TENM1: variants seen among roughly 807,000 people sequenced by gnomAD.
TENM1 encodes teneurin transmembrane protein 1.
Under a neutral mutation model 174.8 loss-of-function variants are expected in TENM1, and 35 were observed. The observed-to-expected ratio is 0.20, with a 90% CI of 0.15 to 0.27. The LOEUF is 0.27. TENM1 is among the 10% of genes least tolerant of loss of function. TENM1 has a pLI of 1.00. For missense variants in TENM1, 1,633 were observed against 2,130.1 expected, an observed-to-expected ratio of 0.77 and a Z score of 4.59; for synonymous variants, 781 against 798.7, an observed-to-expected ratio of 0.98 and a Z score of 0.37.
chrX:124,934,267 A>G (rs1272403063), intron 1 of TENM1, among the ~76,000 whole-genome samples: 1 of 112,483 alleles, frequency 8.9e-6, no homozygotes, highest in South Asian at 3.7e-4. Context: ...AGATATTACT[A>G]CAAGTGTCCT....
chrX:124,593,374 G>A (rs992988937), intron 11 of TENM1, among the ~76,000 whole-genome samples: 9 of 111,809 alleles, frequency 8.0e-5, no homozygotes, highest in African/African-American at 2.9e-4. Flanking sequence ...TCTGTGCCCA[G>A]AAAGGGTGCA....
chrX:124,463,264 T>C (rs747069412), intron 22 of TENM1, among the ~76,000 whole-genome samples: 45 of 111,957 alleles, frequency 4.0e-4, no homozygotes, highest in Non-Finnish European at 7.1e-4. Context: ...CCGCTCAGTG[T>C]CTTGATTTCT....
At chrX:124,443,635 G>A (rs920607470) in intron 23 of TENM1, among the ~76,000 whole-genome samples, 1 of 112,019 alleles carries the variant, frequency 8.9e-6, no homozygotes, top group African/African-American at 3.2e-5. Flanking sequence ...CCTGCATGGA[G>A]GGAGCTTTAT....
the TENM1 span, among the ~76,000 whole-genome samples, chrX:125,088,076 TTA>T: frequency 9.0e-6 from 1 of 111,344 alleles, no homozygotes; most frequent in African/African-American, 3.3e-5. Flanking sequence ...AAGGCCAGCA[TTA>T]TCAGTGATAG....
intron 3 of TENM1, among the ~76,000 whole-genome samples, chrX:124,799,409 A>G (rs2055388116): frequency 9.0e-6 from 1 of 110,731 alleles, no homozygotes; most frequent in Admixed American, 9.6e-5. Flanking sequence ...GGTCCTTCAC[A>G]TTCCTAGCTA....
chrX:125,135,236 G>T, the TENM1 span, among the ~76,000 whole-genome samples: 2 of 111,649 alleles, frequency 1.8e-5, no homozygotes, highest in East Asian at 5.6e-4. Flanking sequence ...GTTATCTAAT[G>T]CCCACAATAA....
At chrX:125,095,481 T>C in the TENM1 span, among the ~76,000 whole-genome samples, 1,540 of 112,005 alleles carry the variant, frequency 0.014, 11 homozygotes, top group Non-Finnish European at 0.024. Flanking sequence ...TGCAGTTAGT[T>C]ATAGAAAAAT....
At chrX:124,870,805 T>C (rs1428145248) in intron 3 of TENM1, among the ~76,000 whole-genome samples, 1 of 111,188 alleles carries the variant, frequency 9.0e-6, no homozygotes, top group Non-Finnish European at 1.9e-5. Context: ...TGAGAAGCCA[T>C]TTGCAATATT....
chrX:124,588,387 T>C (rs1345618526), intron 11 of TENM1, among the ~76,000 whole-genome samples: 2 of 111,771 alleles, frequency 1.8e-5, no homozygotes, highest in Non-Finnish European at 3.8e-5. Context: ...TCATGTCCTT[T>C]GTAGGGACGT....
chrX:124,671,650 G>A, intron 6 of TENM1, 33 bp downstream of exon 9: 1 of 1,182,007 alleles, frequency 8.5e-7, no homozygotes, highest in Non-Finnish European at 1.1e-6. Context: ...TAGAAGAAAA[G>A]TAATCAACAA....
At chrX:124,964,129 T>C (rs976027622), upstream of TENM1, among the ~76,000 whole-genome samples, 4 of 112,538 alleles carry the variant, frequency 3.6e-5, no homozygotes, top group African/African-American at 1.3e-4. Context: ...TGCGTGTTTT[T>C]AATGTTAAAA....
At chrX:124,946,638 G>A (rs760791888) in intron 1 of TENM1, among the ~76,000 whole-genome samples, 100 of 111,687 alleles carry the variant, frequency 9.0e-4, no homozygotes, top group South Asian at 1.9e-3. Flanking sequence ...CTGCTGAAAG[G>A]TCAAGATGAA....
intron 18 of TENM1, among the ~76,000 whole-genome samples, chrX:124,505,747 T>A (rs1296489895): frequency 9.0e-6 from 1 of 111,324 alleles, no homozygotes. Flanking sequence ...CCTGGAAAAA[T>A]GCATATGCGT....
At chrX:124,679,435 A>G (rs182239183) in intron 5 of TENM1, among the ~76,000 whole-genome samples, 53 of 111,656 alleles carry the variant, frequency 4.7e-4, no homozygotes, top group African/African-American at 1.7e-3. Flanking sequence ...CAGGCTTTCA[A>G]CTAACTCCCG....
At chrX:124,542,519 T>C (rs1432579472) in intron 15 of TENM1, among the ~76,000 whole-genome samples, 3 of 110,836 alleles carry the variant, frequency 2.7e-5, no homozygotes, top group Non-Finnish European at 5.7e-5. Context: ...GGGTAGGCAT[T>C]CCACCAGAGT....
rs1464851249 is a variant in TENM1 at position 124,843,667 on chromosome X, G to C, written c.535+50629C>G. On this transcript the variant is annotated intron_variant, in intron 3 of 31. Coordinates refer to ENST00000422452, the Ensembl canonical transcript of TENM1. ...CAACAGTCCATTGGGAGGAAATGCAGAGTTTTAGCACCTTTTCTTTCCCAG... is the reference window on the plus strand; with the variant it reads ...CAACAGTCCATTGGGAGGAAATGCACAGTTTTAGCACCTTTTCTTTCCCAG... Among the ~76,000 whole-genome samples, 4 of 111,738 alleles carry C rather than the reference G, an allele frequency of 3.6e-5. No homozygotes were observed. The Admixed American group carries it at 3.8e-4, about 11-fold the overall frequency.
chrX:124,834,319 C>T (rs1274904000), intron 3 of TENM1, among the ~76,000 whole-genome samples: 1 of 111,101 alleles, frequency 9.0e-6, no homozygotes, highest in Non-Finnish European at 1.9e-5. Flanking sequence ...TTACAGGTGC[C>T]TGCCACCACG....
the TENM1 span, among the ~76,000 whole-genome samples, chrX:125,179,521 A>T: frequency 9.0e-6 from 1 of 111,688 alleles, no homozygotes; most frequent in Non-Finnish European, 1.9e-5. Context: ...TTTTCAACTC[A>T]GCCTAAACTT....
chrX:124,835,597 C>T (rs1334643235), intron 3 of TENM1, among the ~76,000 whole-genome samples: 1 of 111,649 alleles, frequency 9.0e-6, no homozygotes, highest in Non-Finnish European at 1.9e-5. Context: ...CTTTTATTAA[C>T]CTCTTACCCT....
Sources: allele counts gnomAD v4.1 joint callset (sites outside exome capture counted in the v4.1 genomes callset), GRCh38; gene constraint gnomAD v4.1.1; transcripts MANE v1.5; gene names NCBI Gene and HGNC (gene_info 2026-07-23, HGNC 2026-07-21).